UBE3C: variants seen among roughly 807,000 people sequenced by gnomAD.
UBE3C encodes ubiquitin-protein ligase E3C.
In UBE3C, 42 loss-of-function variants were observed where a neutral mutation model predicts 129.4. The observed-to-expected ratio is 0.32, with a 90% CI of 0.25 to 0.42. The LOEUF (loss-of-function observed/expected upper bound fraction) is 0.42. Ranked by LOEUF, UBE3C falls within the 10% of genes least tolerant of loss-of-function variation. The probability of loss-of-function intolerance (pLI) is 1.00; values close to 1 mark genes in which losing one functional copy is unlikely to be tolerated. For synonymous variants in UBE3C, 510 were observed against 492.4 expected (o/e 1.04, Z -0.47); for missense variants, 1,049 against 1,319.1 (o/e 0.80, Z 3.17).
At chr7:157,191,348 G>A (rs35775709) in intron 10 of UBE3C, among the ~76,000 whole-genome samples, 7,108 of 152,292 alleles carry the variant, frequency 0.047, 228 homozygotes, top group Non-Finnish European at 0.072. Flanking sequence ...CTGGAGTGCC[G>A]TGGCGTGATC....
Position 157,241,992 on chromosome 7 carries a change from G to C in UBE3C, c.2482-6376G>C, listed in dbSNP as rs143979768. On this transcript the variant is annotated intron_variant, in intron 18 of 22. Transcript: ENST00000348165. ...CAGAAGGTGGGTGAGTGATCGCCAG[G>C]GCTGGGAGGAACCAGGAGTGGCAGC... 6.8e-3 allele frequency among the ~76,000 whole-genome samples: 1,043 copies of C among 152,290 alleles called. 13 individuals carry two copies. The highest frequency in any genetic ancestry group is 0.024 in the African/African-American group (994 of 41,552).
chr7:157,230,930 A>T lies in UBE3C; in HGVS notation c.2234-150A>T, dbSNP rs975918517. 4 of 1,211,158 alleles carry T rather than the reference A, an allele frequency of 3.3e-6. No individual in the cohort carries two copies. The African/African-American group carries it at 6.1e-5, about 19-fold the overall frequency. 75.0% of individuals were successfully genotyped at this position (1,211,158 alleles called of 1,614,324 possible). A position where few individuals can be genotyped will look rare whatever the true frequency, so the allele number is the denominator to read the frequency against. ...ACGGAGCAAGACTCTGTCTCAAAAA[A>T]TAATGATAATATCATTGCTGTTTTG... On this transcript the variant is annotated intron_variant, in intron 17 of 22. Coordinates refer to ENST00000348165, the MANE Select transcript of UBE3C (RefSeq NM_014671.3).
intron 18 of UBE3C, among the ~76,000 whole-genome samples, chr7:157,239,302 C>T (rs1255404102): frequency 1.3e-5 from 2 of 152,154 alleles, no homozygotes; most frequent in African/African-American, 4.8e-5. Context: ...TATGAGTGAA[C>T]GGCACAGACC....
chr7:157,264,343 A>G (rs1797012220), intron 22 of UBE3C, among the ~76,000 whole-genome samples: 1 of 130,686 alleles, frequency 7.7e-6, no homozygotes, highest in Non-Finnish European at 1.6e-5. Flanking sequence ...GTGAGCCAAC[A>G]TGCTCGGCCT....
At chr7:157,217,730 G>C (rs373894937) in intron 14 of UBE3C, among the ~76,000 whole-genome samples, 3 of 152,060 alleles carry the variant, frequency 2.0e-5, no homozygotes, top group Admixed American at 6.5e-5. Flanking sequence ...CCAGCTACTC[G>C]GGAGGCTAAG....
chr7:157,205,409 T>C (rs558447764), intron 11 of UBE3C, among the ~76,000 whole-genome samples: 1 of 152,168 alleles, frequency 6.6e-6, no homozygotes, highest in Admixed American at 6.5e-5. Context: ...GATGTGTTGG[T>C]GGTGATGATT....
At chr7:157,228,369 T>C (rs894034887) in intron 17 of UBE3C, among the ~76,000 whole-genome samples, 1 of 152,172 alleles carries the variant, frequency 6.6e-6, no homozygotes, top group Non-Finnish European at 1.5e-5. Flanking sequence ...CTCATGGGAT[T>C]GCTGTAAGAA....
At chr7:157,143,689 A>G (rs972952816) in intron 1 of UBE3C, among the ~76,000 whole-genome samples, 2 of 152,094 alleles carry the variant, frequency 1.3e-5, no homozygotes, top group African/African-American at 4.8e-5. Context: ...GTCTAGGTGC[A>G]CCTGAGGGCT....
chr7:157,215,598 T>C, intron 13 of UBE3C, among the ~76,000 whole-genome samples: 1 of 150,660 alleles, frequency 6.6e-6, no homozygotes, highest in Admixed American at 6.6e-5. Flanking sequence ...AGCCGGTGGG[T>C]ATATTATAAA....
chr7:157,141,372 G>A (rs1205549961), intron 1 of UBE3C, among the ~76,000 whole-genome samples: 4 of 152,316 alleles, frequency 2.6e-5, no homozygotes, highest in Middle Eastern at 3.4e-3. Flanking sequence ...AGTCATATGT[G>A]ACTTAAAGAG....
At chr7:157,179,968 G>A (rs928506960) in intron 6 of UBE3C, among the ~76,000 whole-genome samples, 10 of 152,196 alleles carry the variant, frequency 6.6e-5, no homozygotes, top group Non-Finnish European at 2.9e-5. Context: ...GTGGTTCATT[G>A]TGTTAGTTGA....
chr7:157,183,348 A>G (rs1808718882), intron 8 of UBE3C, among the ~76,000 whole-genome samples: 1 of 152,208 alleles, frequency 6.6e-6, no homozygotes, highest in Non-Finnish European at 1.5e-5. Context: ...GTAATTGACT[A>G]AGACAGTTCA....
intron 10 of UBE3C, among the ~76,000 whole-genome samples, chr7:157,201,083 G>A (rs1809265591): frequency 6.6e-6 from 1 of 152,028 alleles, no homozygotes; most frequent in Non-Finnish European, 1.5e-5. Flanking sequence ...CAGCACTTTG[G>A]GATGCTGAGG....
intron 1 of UBE3C, among the ~76,000 whole-genome samples, chr7:157,141,128 A>C (rs1417737595): frequency 6.6e-6 from 1 of 152,092 alleles, no homozygotes; most frequent in Non-Finnish European, 1.5e-5. Context: ...CCCTGAGCCG[A>C]GGGCCATTCT....
rs116316637 is a variant in UBE3C at position 157,196,230 on chromosome 7, G to A, written c.1332-5491G>A. Among the ~76,000 whole-genome samples the A allele has an allele frequency of 6.4e-3, 982 of 152,304 alleles. 12 individuals carry two copies. Among genetic ancestry groups the A allele is most frequent in the East Asian group, 0.035 (182 of 5,184 alleles). On this transcript the variant is annotated intron_variant, in intron 10 of 22. Transcript: ENST00000348165. ...AATAATTCTCCTATGCAACGCTGCC[G>A]ACAAACTGATGTTAAAAGCACCGCG...
chr7:157,233,335 G>T (rs1796071203), intron 18 of UBE3C, among the ~76,000 whole-genome samples: 1 of 152,124 alleles, frequency 6.6e-6, no homozygotes, highest in South Asian at 2.1e-4. Flanking sequence ...CTGCCACCTA[G>T]GCTGGAGTGC....
At chr7:157,254,917 AGCGTGGTGGCGTACACCTGCAGTCCCG>A (rs1294731380) in intron 21 of UBE3C, among the ~76,000 whole-genome samples, 18,625 of 120,556 alleles carry the variant, frequency 0.15, 2,479 homozygotes, top group African/African-American at 0.33. Context: ...CTGCAGTCCC[AGCGTGGTGGCGTACACCTGCAGTCCCG>A]GCGTGGTGGC....
intron 10 of UBE3C, among the ~76,000 whole-genome samples, chr7:157,194,673 C>T (rs1165566729): frequency 2.6e-5 from 4 of 151,966 alleles, no homozygotes; most frequent in East Asian, 1.9e-4. Context: ...ACCTCGATTG[C>T]GGTAAAATAT....
At chr7:157,264,923 C>T (rs1797036596) in intron 22 of UBE3C, among the ~76,000 whole-genome samples, 1 of 152,120 alleles carries the variant, frequency 6.6e-6, no homozygotes, top group Non-Finnish European at 1.5e-5. Flanking sequence ...GTTTTCTAGG[C>T]TACCTTTTTC....
Sources: allele counts gnomAD v4.1 joint callset (sites outside exome capture counted in the v4.1 genomes callset), GRCh38; gene constraint gnomAD v4.1.1; transcripts MANE v1.5; gene names NCBI Gene and HGNC (gene_info 2026-07-23, HGNC 2026-07-21).